Variants in RGS12 observed in about 807,000 individuals in gnomAD.
The protein encoded by RGS12 is regulator of G protein signaling 12.
RGS12 carries 66 observed loss-of-function variants against 120.1 expected under a neutral mutation model. The ratio of observed to expected loss-of-function variants is 0.55; its 90% confidence interval spans 0.45 to 0.67. RGS12 has a LOEUF of 0.67. Ranked by LOEUF, RGS12 falls within the 30% of genes least tolerant of loss-of-function variation. RGS12 has a pLI of 0.00. For missense variants in RGS12, 1,859 were observed against 1,957.7 expected, an observed-to-expected ratio of 0.95 and a Z score of 0.95; for synonymous variants, 827 against 804.7, an observed-to-expected ratio of 1.03 and a Z score of -0.47.
intron 1 of RGS12, among the ~76,000 whole-genome samples, chr4:3,301,648 C>T (rs1030561982): frequency 1.3e-5 from 2 of 151,162 alleles, no homozygotes; most frequent in South Asian, 2.1e-4. Flanking sequence ...ACAGTGAGGC[C>T]GGGGTCCGAG....
chr4:3,423,493 G>A (rs770319059), intron 12 of RGS12, 22 bp from the exon 13 acceptor site: 12 of 1,612,290 alleles, frequency 7.4e-6, no homozygotes, highest in Non-Finnish European at 1.0e-5. Context: ...AGTTGGTAGT[G>A]AATTTTTTCA....
intron 1 of RGS12, among the ~76,000 whole-genome samples, chr4:3,303,004 C>G (rs1173657328): frequency 2.0e-5 from 3 of 152,160 alleles, no homozygotes; most frequent in African/African-American, 7.2e-5. Context: ...AGTTGCCCAC[C>G]TGGAGCTGCT....
chr4:3,436,483 C>T (rs983130605), intron 17 of RGS12, among the ~76,000 whole-genome samples: 1 of 152,106 alleles, frequency 6.6e-6, no homozygotes. Context: ...GCCTGGGGGA[C>T]GGGGTCCCTC....
At chr4:3,294,255 G>C (rs1003603026) in intron 1 of RGS12, among the ~76,000 whole-genome samples, 2 of 152,254 alleles carry the variant, frequency 1.3e-5, no homozygotes, top group Non-Finnish European at 2.9e-5. Context: ...GCACAGAAGG[G>C]GCGCTGGGGG....
the RGS12 span, among the ~76,000 whole-genome samples, chr4:3,286,321 G>T: frequency 2.0e-5 from 3 of 152,200 alleles, no homozygotes; most frequent in Non-Finnish European, 4.4e-5. Flanking sequence ...ACCAAATGCA[G>T]CCTGCCCGGT....
intron 12 of RGS12, 65 bp from the exon 13 acceptor site, chr4:3,423,450 C>G: frequency 6.3e-7 from 1 of 1,597,316 alleles, no homozygotes; most frequent in Non-Finnish European, 8.6e-7. Context: ...TAGTTCTGCT[C>G]GTGAGACTGA....
At chr4:3,415,153 G>A (rs77399690) in intron 6 of RGS12, among the ~76,000 whole-genome samples, 13,716 of 145,732 alleles carry the variant, frequency 0.094, 784 homozygotes, top group East Asian at 0.28. Context: ...TGAGAGGGCC[G>A]CGTGTGTGTG....
intron 2 of RGS12, among the ~76,000 whole-genome samples, chr4:3,323,460 A>G (rs1289596908): frequency 2.0e-5 from 3 of 152,196 alleles, no homozygotes; most frequent in Non-Finnish European, 4.4e-5. Flanking sequence ...AGGCTCTTGG[A>G]TATTCTCTTC....
intron 6 of RGS12, 44 bp downstream of exon 6, chr4:3,414,888 G>A (rs1577072407): frequency 7.0e-7 from 1 of 1,429,528 alleles, no homozygotes; most frequent in Non-Finnish European, 9.9e-7. Context: ...AGAGTGGCGT[G>A]TGAGAGAGAC....
chr4:3,387,482 C>T (rs1338713749), intron 4 of RGS12, among the ~76,000 whole-genome samples: 4 of 152,216 alleles, frequency 2.6e-5, no homozygotes. Context: ...GGGCCAGCGG[C>T]TCTGTAGGAG....
chr4:3,428,091 A>T lies in RGS12; in HGVS notation c.3333A>T (p.Ala1111=). The change falls in exon 15 of 18, where the codon GCA becomes GCT. Residue 1111 remains alanine, a splice_region_variant and synonymous_variant. Transcript: ENST00000336727. ...GTCATAAAGCTTTCTTATGTTTAGCATCCGCAGATAAACAGAAAGGTGTGC... is the reference window on the plus strand; with the variant it reads ...GTCATAAAGCTTTCTTATGTTTAGCTTCCGCAGATAAACAGAAAGGTGTGC... The part of the protein sequence containing the change: ...LEEKDPSRGK[A]SADKQKGVPV... The T allele has an allele frequency of 6.2e-7, 1 of 1,613,100 alleles. No homozygotes were observed. The highest frequency in any genetic ancestry group is 2.2e-5 in the East Asian group (1 of 44,858).
At chr4:3,358,833 TA>T (rs1475769837) in intron 3 of RGS12, among the ~76,000 whole-genome samples, 1 of 151,314 alleles carries the variant, frequency 6.6e-6, no homozygotes, top group Non-Finnish European at 1.5e-5. Context: ...AATACTGTCA[TA>T]GAAGAGGAAG....
chr4:3,294,989 G>C (rs1234120442), intron 1 of RGS12, among the ~76,000 whole-genome samples: 1 of 152,168 alleles, frequency 6.6e-6, no homozygotes, highest in East Asian at 1.9e-4. Flanking sequence ...CAGGAGGTGG[G>C]AGGGAGGCAC....
chr4:3,345,003 C>T (rs1208363210), intron 3 of RGS12, among the ~76,000 whole-genome samples: 4 of 152,100 alleles, frequency 2.6e-5, no homozygotes, highest in Non-Finnish European at 4.4e-5. Flanking sequence ...TGTAAGAAAA[C>T]GATATTTATT....
At chr4:3,318,500 G>T (rs920407743) in intron 2 of RGS12, among the ~76,000 whole-genome samples, 1 of 152,230 alleles carries the variant, frequency 6.6e-6, no homozygotes, top group Non-Finnish European at 1.5e-5. Flanking sequence ...CTGAAAGCTG[G>T]TTCCTCGTGC....
chr4:3,321,681 C>T (rs1182933919), intron 2 of RGS12, among the ~76,000 whole-genome samples: 2 of 152,194 alleles, frequency 1.3e-5, no homozygotes, highest in African/African-American at 2.4e-5. Flanking sequence ...GGCTGTGGAG[C>T]AGCTCCGGCC....
intron 17 of RGS12, among the ~76,000 whole-genome samples, chr4:3,438,934 G>A (rs1725062314): frequency 6.6e-6 from 1 of 152,130 alleles, no homozygotes; most frequent in South Asian, 2.1e-4. Flanking sequence ...CGAGGCAGGT[G>A]GGCGAGCAGG....
At chr4:3,288,648 T>C (rs952382945), upstream of RGS12, among the ~76,000 whole-genome samples, 1 of 152,202 alleles carries the variant, frequency 6.6e-6, no homozygotes, top group Non-Finnish European at 1.5e-5. The surrounding 1 kb of genome is among the most constrained non-coding windows in gnomAD (Gnocchi z 5.2). Context: ...CCGGGACGTA[T>C]GGACCCTGGC....
intron 9 of RGS12, chr4:3,420,430 A>G (rs1722881243): frequency 1.6e-6 from 1 of 617,132 alleles, no homozygotes; most frequent in Non-Finnish European, 2.9e-6. Flanking sequence ...CATGGTGGGT[A>G]GAGCCTTGTT....
Sources: allele counts gnomAD v4.1 joint callset (sites outside exome capture counted in the v4.1 genomes callset), GRCh38; gene constraint gnomAD v4.1.1; non-coding constraint Gnocchi (gnomAD v3.1); transcripts MANE v1.5; gene names NCBI Gene and HGNC (gene_info 2026-07-23, HGNC 2026-07-21).